Variants in LRR1 observed in about 807,000 individuals in gnomAD.
LRR1 encodes leucine rich repeat protein 1.
A neutral mutation model predicts 31.6 loss-of-function variants in LRR1; 29 were observed. The observed-to-expected ratio is 0.92, with a 90% CI of 0.68 to 1.25. The LOEUF is 1.25. Ranked by LOEUF, LRR1 falls within the 50% of genes most tolerant of loss-of-function variation. The probability of loss-of-function intolerance (pLI) is 0.00; values close to 1 mark genes in which losing one functional copy is unlikely to be tolerated. For missense variants in LRR1, 485 were observed against 487.2 expected, an observed-to-expected ratio of 1.00 and a Z score of 0.04; for synonymous variants, 179 against 181.4, an observed-to-expected ratio of 0.99 and a Z score of 0.10.
At position 49,602,474 on chromosome 14, in the gene LRR1, GTAT is replaced by G; in HGVS notation, c.282+9_282+11del. ...TGGATATCTGTCTAAGTAAGGTATG[GTAT>G]TAAAAACATTAATGATTAATATTTG... On this transcript the variant is annotated splice_region_variant and intron_variant, in intron 2 of 3. Transcript: ENST00000298288. 1 of 1,603,192 alleles carries G rather than the reference GTAT, an allele frequency of 6.2e-7. No individual in the cohort carries two copies. Among genetic ancestry groups the G allele is most frequent in the Non-Finnish European group, 8.5e-7 (1 of 1,171,162 alleles).
intron 1 of LRR1, among the ~76,000 whole-genome samples, chr14:49,599,659 C>A (rs978468136): frequency 6.6e-6 from 1 of 151,780 alleles, no homozygotes; most frequent in Non-Finnish European, 1.5e-5. Context: ...GTTGCCGTCT[C>A]CCCCGGGGCC....
chr14:49,610,609 C>T (rs1402899371), intron 3 of LRR1, among the ~76,000 whole-genome samples: 1 of 151,492 alleles, frequency 6.6e-6, no homozygotes, highest in Non-Finnish European at 1.5e-5. Context: ...CTTGCCCGGG[C>T]TGGAGTGGAA....
At chr14:49,613,152 A>G (rs1027356991) in intron 3 of LRR1, among the ~76,000 whole-genome samples, 1 of 152,068 alleles carries the variant, frequency 6.6e-6, no homozygotes, top group South Asian at 2.1e-4. Flanking sequence ...ATCCTGGCTA[A>G]CATGGTGAAA....
chr14:49,604,702 T>G (rs1438894106), intron 2 of LRR1, among the ~76,000 whole-genome samples: 1 of 151,980 alleles, frequency 6.6e-6, no homozygotes, highest in Non-Finnish European at 1.5e-5. Flanking sequence ...CAAAAAAAAG[T>G]TCAGGGCTTC....
At chr14:49,604,904 T>C (rs1594586729) in intron 2 of LRR1, among the ~76,000 whole-genome samples, 1 of 152,048 alleles carries the variant, frequency 6.6e-6, no homozygotes, top group East Asian at 1.9e-4. Context: ...TTGCTTTTTT[T>C]TTCTTTTTGA....
intron 2 of LRR1, among the ~76,000 whole-genome samples, chr14:49,602,859 G>C (rs1882117592): frequency 6.6e-6 from 1 of 151,930 alleles, no homozygotes; most frequent in Admixed American, 6.6e-5. Context: ...TTTTGAGACG[G>C]AGTTTTGCTC....
At chr14:49,602,247 C>T in intron 1 of LRR1, 123 bp from the exon 2 acceptor site, 1 of 534,750 alleles carries the variant, frequency 1.9e-6, no homozygotes, top group Non-Finnish European at 3.1e-6. Flanking sequence ...TGAAAACACT[C>T]AGACTCAAGG....
intron 3 of LRR1, among the ~76,000 whole-genome samples, chr14:49,612,839 G>A (rs560951761): frequency 6.6e-6 from 1 of 152,202 alleles, no homozygotes; most frequent in South Asian, 2.1e-4. Flanking sequence ...TGTGTTTAGC[G>A]GGGAGGTTTG....
rs780769116 is a variant in LRR1 at position 49,607,518 on chromosome 14, TTAAAAC to T, written c.407_412del (p.Thr136_Lys137del). 6.8e-6 allele frequency: 11 copies of T among 1,614,030 alleles called. No individual in the cohort carries two copies. Among genetic ancestry groups the T allele is most frequent in the East Asian group, 4.5e-5 (2 of 44,894 alleles). ...GTGAAGACTTCAGAATTTGAAAACT[TTAAAAC>T]TAAAATGGTTATCACATCCAAAAAA... On this transcript the variant is annotated inframe_deletion, in exon 3 of 4. Coordinates refer to ENST00000298288, the MANE Select transcript of LRR1 (RefSeq NM_152329.4).
Position 49,614,516 on chromosome 14 carries a change from A to T in LRR1, c.*20A>T. On this transcript the variant is annotated 3_prime_UTR_variant, in exon 4 of 4. Transcript: ENST00000298288. ...AAGTAATGGGTGAGACCAGAAAAAG[A>T]AATTTCAATAACAGATCAGTTTGGG... The T allele has an allele frequency of 6.2e-7, 1 of 1,612,908 alleles. No homozygotes were observed. Among genetic ancestry groups the T allele is most frequent in the African/African-American group, 1.3e-5 (1 of 75,010 alleles).
chr14:49,603,692 T>C, intron 2 of LRR1: 1 of 858,152 alleles, frequency 1.2e-6, no homozygotes, highest in African/African-American at 3.5e-5. Context: ...TTTTTTTTTT[T>C]TTTTTTTTTT....
chr14:49,612,155 G>C (rs1006521000), intron 3 of LRR1, among the ~76,000 whole-genome samples: 1 of 152,174 alleles, frequency 6.6e-6, no homozygotes, highest in Admixed American at 6.5e-5. Flanking sequence ...TGGCAGAATA[G>C]TAATTTATTA....
Position 49,607,742 on chromosome 14 carries a change from G to T in LRR1, c.625G>T (p.Asp209Tyr). Residue 209 changes from aspartate (D) to tyrosine (Y), a missense_variant, in exon 3 of 4, where the codon GAC (aspartate) becomes TAC (tyrosine). By Grantham distance (160) the Asp-to-Tyr change is radical. Coordinates refer to ENST00000298288, the MANE Select transcript of LRR1 (RefSeq NM_152329.4). ...ACACCTTCAAGAACTTAACCTGAAT[G>T]ACAATCACTTGGAGTCATTTAGTGT... ...LIHLQELNLN[D>Y]NHLESFSVAL... 1 of 1,612,706 alleles carries T rather than the reference G, an allele frequency of 6.2e-7. No homozygotes were observed. Among genetic ancestry groups the T allele is most frequent in the South Asian group, 1.1e-5 (1 of 91,018 alleles).
intron 1 of LRR1, 128 bp downstream of exon 1, chr14:49,599,331 C>CA: frequency 9.3e-7 from 1 of 1,072,146 alleles, no homozygotes; most frequent in Non-Finnish European, 1.3e-6. Context: ...CCTGAACTCC[C>CA]AGCCTTGAGA....
At chr14:49,599,947 G>A (rs1881982895) in intron 1 of LRR1, 16 of 1,474,618 alleles carry the variant, frequency 1.1e-5, no homozygotes, top group Middle Eastern at 4.9e-4. Context: ...GGGCCGGGGC[G>A]GGGGCTCCGG....
At chr14:49,605,567 G>T (rs1422800984) in intron 2 of LRR1, among the ~76,000 whole-genome samples, 2 of 152,164 alleles carry the variant, frequency 1.3e-5, no homozygotes, top group Non-Finnish European at 2.9e-5. Flanking sequence ...ATTTGACAAT[G>T]ATAATTACCC....
rs147942705 is a variant in LRR1, at chr14:49,602,737, G to A, written c.282+269G>A. 9.7e-3 allele frequency among the ~76,000 whole-genome samples: 1,477 copies of A among 152,224 alleles called. 23 individuals are homozygous for A. Among genetic ancestry groups the A allele is most frequent in the African/African-American group, 0.034 (1,407 of 41,532 alleles). On this transcript the variant is annotated intron_variant, in intron 2 of 3. Transcript: ENST00000298288. ...TGGCCTTGAACTCCTGGCCTCAAGC[G>A]ATCCTCTTGCCTCAGCCTCCCAAAG...
At chr14:49,604,135 T>A (rs1269649374) in intron 2 of LRR1, among the ~76,000 whole-genome samples, 2 of 141,640 alleles carry the variant, frequency 1.4e-5, no homozygotes, top group African/African-American at 5.3e-5. Context: ...AAACCCTGTC[T>A]CCACAAAAAA....
At chr14:49,610,293 TGGAGTGCAGTGCGCAAGCGGC>T in intron 3 of LRR1, among the ~76,000 whole-genome samples, 1 of 14,500 alleles carries the variant, frequency 6.9e-5, no homozygotes, top group South Asian at 9.3e-4. Flanking sequence ...TTGCCCAGGC[TGGAGTGCAGTGCGCAAGCGGC>T]TGGAGTGCAG....
Sources: gnomAD v4.1 joint callset for allele counts (sites outside exome capture counted in the v4.1 genomes callset) on GRCh38, gnomAD v4.1.1 for gene constraint, MANE v1.5 for transcripts, NCBI Gene and HGNC (gene_info 2026-07-23, HGNC 2026-07-21) for gene names.